The following SDK1 variants were observed in gnomAD, a reference collection of about 807,000 sequenced individuals.
SDK1 encodes protein sidekick-1.
A neutral mutation model predicts 245.5 loss-of-function variants in SDK1; 157 were observed. The ratio of observed to expected loss-of-function variants is 0.64; its 90% CI spans 0.56 to 0.73. The LOEUF (loss-of-function observed/expected upper bound fraction) is 0.73, where lower values mean the gene tolerates loss of function less well. Ranked by LOEUF, SDK1 falls within the 30% of genes least tolerant of loss-of-function variation. The pLI is 0.00. For synonymous variants in SDK1, 1,647 were observed against 1,278.5 expected (o/e 1.29, Z -6.15); for missense variants, 3,583 against 3,002.3 (o/e 1.19, Z -4.52).
intron 13 of SDK1, among the ~76,000 whole-genome samples, chr7:3,982,339 AAGG>A (rs1161656133): frequency 6.6e-6 from 1 of 152,196 alleles, no homozygotes; most frequent in Non-Finnish European, 1.5e-5. Context: ...GGGAATGTAC[AAGG>A]AGATGAATGT....
intron 1 of SDK1, among the ~76,000 whole-genome samples, chr7:3,510,251 C>T (rs1782537371): frequency 6.6e-6 from 1 of 152,206 alleles, no homozygotes; most frequent in Non-Finnish European, 1.5e-5. Context: ...AGGAAGCCAG[C>T]CTGCCTCAAG....
chr7:3,341,434 G>T (rs571091505), intron 1 of SDK1, among the ~76,000 whole-genome samples: 1 of 152,058 alleles, frequency 6.6e-6, no homozygotes, highest in Non-Finnish European at 1.5e-5. Context: ...TTCCTCTCAG[G>T]TTGGGAACAA....
chr7:3,923,690 A>G (rs1256481842), intron 5 of SDK1, among the ~76,000 whole-genome samples: 5 of 152,240 alleles, frequency 3.3e-5, no homozygotes, highest in Non-Finnish European at 7.3e-5. Context: ...AGCCACAGCA[A>G]GGGTGAGCCA....
At chr7:3,393,828 G>T (rs1451715284) in intron 1 of SDK1, among the ~76,000 whole-genome samples, 3 of 152,104 alleles carry the variant, frequency 2.0e-5, no homozygotes, top group Non-Finnish European at 4.4e-5. Context: ...TGTTTCTTAA[G>T]GATTGTTCAC....
chr7:4,045,734 C>T (rs1166486205), intron 17 of SDK1, among the ~76,000 whole-genome samples: 1 of 152,130 alleles, frequency 6.6e-6, no homozygotes, highest in Non-Finnish European at 1.5e-5. Flanking sequence ...TCTTCACGGA[C>T]ATGGGTTGTT....
At chr7:3,473,556 G>T (rs1424920985) in intron 1 of SDK1, among the ~76,000 whole-genome samples, 1 of 152,140 alleles carries the variant, frequency 6.6e-6, no homozygotes, top group Non-Finnish European at 1.5e-5. Flanking sequence ...TGCAGTATGT[G>T]GGACGTTGGC....
intron 1 of SDK1, among the ~76,000 whole-genome samples, chr7:3,550,443 G>T (rs1436929240): frequency 6.6e-6 from 1 of 152,206 alleles, no homozygotes; most frequent in African/African-American, 2.4e-5. Flanking sequence ...ACGCTCACTT[G>T]ACTAAGGCAT....
At chr7:3,713,329 T>C (rs1160405846) in intron 4 of SDK1, among the ~76,000 whole-genome samples, 2 of 152,186 alleles carry the variant, frequency 1.3e-5, no homozygotes, top group Non-Finnish European at 2.9e-5. Context: ...TGTCTTTCCA[T>C]GCTTACAGAA....
At chr7:4,112,450 C>T (rs1783408660) in intron 23 of SDK1, among the ~76,000 whole-genome samples, 1 of 152,186 alleles carries the variant, frequency 6.6e-6, no homozygotes, top group African/African-American at 2.4e-5. Flanking sequence ...CCTTTCACCC[C>T]TCATTCTTCT....
rs1042790049 is a variant in SDK1 at position 3,583,091 on chromosome 7, C to G, written c.299-35989C>G. Reference sequence around the variant, plus strand: ...GAGTAAAAGCATTTGGACAAGGAAACTGATGTTGGAGACCGGAGGTATCGG... The same window carrying G: ...GAGTAAAAGCATTTGGACAAGGAAAGTGATGTTGGAGACCGGAGGTATCGG... On this transcript the variant is annotated intron_variant, in intron 1 of 44. Transcript: ENST00000404826. Among the ~76,000 whole-genome samples, 4 of 152,184 alleles carry G rather than the reference C, an allele frequency of 2.6e-5. 1 individual carries two copies. The highest frequency in any genetic ancestry group is 4.1e-4 in the South Asian group (2 of 4,824).
chr7:3,358,211 A>G (rs1392402595), intron 1 of SDK1, among the ~76,000 whole-genome samples: 3 of 151,990 alleles, frequency 2.0e-5, no homozygotes, highest in Non-Finnish European at 4.4e-5. Flanking sequence ...TAGTAGAGGC[A>G]GGGTTTCACC....
At chr7:4,040,098 A>G (rs954164662) in intron 17 of SDK1, among the ~76,000 whole-genome samples, 3 of 152,204 alleles carry the variant, frequency 2.0e-5, no homozygotes, top group Non-Finnish European at 4.4e-5. Flanking sequence ...GGTGAGGAGC[A>G]GGAGGAAAGA....
At position 3,639,046 on chromosome 7, in the gene SDK1, C is replaced by T; in HGVS notation, c.501C>T (p.Tyr167=). Residue 167 remains tyrosine, a synonymous_variant, in exon 3 of 45, where the codon TAC becomes TAT. Transcript: ENST00000404826. ...TGCAGAAGCTCGATGCTGGGTTTTA[C>T]CGCTGCGTGGTGCGAAACAGAATGG... ...PSLQKLDAGF[Y]RCVVRNRMGA... The T allele has an allele frequency of 6.2e-7, 1 of 1,605,942 alleles. No homozygotes were observed. The highest frequency in any genetic ancestry group is 8.5e-7 in the Non-Finnish European group (1 of 1,173,990).
chr7:3,969,487 G>T (rs1782321725), intron 11 of SDK1, 63 bp downstream of exon 11: 1 of 1,310,758 alleles, frequency 7.6e-7, no homozygotes, highest in Non-Finnish European at 1.0e-6. Flanking sequence ...ACGTCATCGT[G>T]TGCTTTGGGG....
chr7:3,580,996 C>CAAAAAA lies in SDK1; in HGVS notation c.299-38080_299-38079insAAAAAA, dbSNP rs1418335916. Among the ~76,000 whole-genome samples the CAAAAAA allele has an allele frequency of 9.1e-3, 848 of 92,882 alleles. 142 individuals carry two copies. Among genetic ancestry groups the CAAAAAA allele is most frequent in the East Asian group, 0.036 (99 of 2,772 alleles). 60.9% of individuals were successfully genotyped at this position (92,882 alleles called of 152,430 possible). ...AAAAAAAAAAAAAAAAAAAAAAAAC[C>CAAAAAA]AAAACAAAACCCTGGAAGACAATCT... On this transcript the variant is annotated intron_variant, in intron 1 of 44. Coordinates refer to ENST00000404826, the MANE Select transcript of SDK1 (RefSeq NM_152744.4).
intron 14 of SDK1, among the ~76,000 whole-genome samples, chr7:4,010,072 C>T (rs1017338745): frequency 2.0e-5 from 3 of 152,228 alleles, no homozygotes; most frequent in African/African-American, 7.2e-5. Context: ...GACCTTAGCG[C>T]CACTTCAGGT....
At chr7:3,768,677 C>T (rs528667692) in intron 4 of SDK1, among the ~76,000 whole-genome samples, 5 of 152,310 alleles carry the variant, frequency 3.3e-5, no homozygotes, top group African/African-American at 9.6e-5. Context: ...GCATCGGGTA[C>T]AGCCTAAAGG....
chr7:3,867,393 G>A (rs1036115819), intron 5 of SDK1, among the ~76,000 whole-genome samples: 6 of 152,188 alleles, frequency 3.9e-5, no homozygotes, highest in African/African-American at 7.2e-5. Flanking sequence ...AAAACCTAAT[G>A]TATTAGTCCA....
intron 7 of SDK1, among the ~76,000 whole-genome samples, chr7:3,952,583 CA>C (rs112521963): frequency 0.059 from 8,708 of 147,140 alleles, 828 homozygotes; most frequent in African/African-American, 0.2. Flanking sequence ...AACTCCAACT[CA>C]AAAAAAAAAT....
Sources: gnomAD v4.1 joint callset for allele counts (sites outside exome capture counted in the v4.1 genomes callset) on GRCh38, gnomAD v4.1.1 for gene constraint, MANE v1.5 for transcripts, NCBI Gene and HGNC (gene_info 2026-07-23, HGNC 2026-07-21) for gene names.